Variants in ARID4B observed in about 807,000 individuals in gnomAD.
The protein encoded by ARID4B is AT-rich interactive domain-containing protein 4B.
Under a neutral mutation model 147.5 loss-of-function variants are expected in ARID4B, and 26 were observed. That is an observed-to-expected ratio of 0.18 (90% confidence interval 0.13 to 0.24). The LOEUF (loss-of-function observed/expected upper bound fraction) is 0.24. ARID4B is among the 10% of genes least tolerant of loss of function. The pLI is 1.00. For missense variants in ARID4B, 1,179 were observed against 1,511.5 expected (o/e 0.78, Z 3.65); for synonymous variants, 512 against 507.9 (o/e 1.01, Z -0.11).
intron 2 of ARID4B, among the ~76,000 whole-genome samples, chr1:235,317,829 A>G (rs1354573433): frequency 1.3e-5 from 2 of 152,314 alleles, no homozygotes; most frequent in South Asian, 2.1e-4. Flanking sequence ...TATTCAATAA[A>G]TATTGAATTA....
intron 5 of ARID4B, among the ~76,000 whole-genome samples, chr1:235,253,632 A>G (rs1217599335): frequency 6.6e-6 from 1 of 152,214 alleles, no homozygotes; most frequent in Non-Finnish European, 1.5e-5. Flanking sequence ...GAAAAATTTT[A>G]ATAAAAATAA....
At chr1:235,213,555 G>A (rs557350388) in intron 17 of ARID4B, among the ~76,000 whole-genome samples, 8 of 152,054 alleles carry the variant, frequency 5.3e-5, no homozygotes, top group African/African-American at 7.2e-5. Context: ...TGTAGACCTC[G>A]GTTTTCTAGA....
chr1:235,302,153 GAAAAAAAAAAA>G (rs749154889), intron 2 of ARID4B, among the ~76,000 whole-genome samples: 7 of 30,666 alleles, frequency 2.3e-4, no homozygotes, highest in East Asian at 9.2e-4. Flanking sequence ...TCAAAAAACG[GAAAAAAAAAAA>G]AAAAAAAAAA....
intron 11 of ARID4B, 74 bp downstream of exon 11, chr1:235,229,157 T>C: frequency 1.3e-6 from 2 of 1,524,528 alleles, no homozygotes; most frequent in East Asian, 2.3e-5. Context: ...AATGACTTAA[T>C]GCCAAATCCT....
intron 13 of ARID4B, among the ~76,000 whole-genome samples, chr1:235,222,678 C>CTTTT (rs35090143): frequency 1.8e-4 from 24 of 130,742 alleles, no homozygotes; most frequent in African/African-American, 4.6e-4. Flanking sequence ...GAAAAAAAAT[C>CTTTT]TTTTTTTTTT....
intron 8 of ARID4B, among the ~76,000 whole-genome samples, chr1:235,238,837 G>A (rs1668793720): frequency 6.7e-6 from 1 of 150,220 alleles, no homozygotes; most frequent in Non-Finnish European, 1.5e-5. Context: ...CCTGGGTAAC[G>A]GAGTAAGCCT....
intron 2 of ARID4B, among the ~76,000 whole-genome samples, chr1:235,269,753 T>C (rs16832518): frequency 0.04 from 6,098 of 152,148 alleles, 459 homozygotes; most frequent in African/African-American, 0.14. Flanking sequence ...TGACATCGAA[T>C]GTTAACAACT....
At chr1:235,240,283 A>G (rs1419942939) in intron 8 of ARID4B, 30 bp downstream of exon 8, 1 of 1,563,716 alleles carries the variant, frequency 6.4e-7, no homozygotes, top group Admixed American at 2.0e-5. Flanking sequence ...AAAGTTTGAA[A>G]TTAAACTCTT....
intron 2 of ARID4B, 31 bp from the exon 3 acceptor site, chr1:235,260,783 A>C: frequency 1.4e-6 from 2 of 1,443,732 alleles, no homozygotes; most frequent in Non-Finnish European, 1.9e-6. Flanking sequence ...AATTAGATTT[A>C]AACTCTCTAA....
chr1:235,203,947 A>G (rs550120799), intron 17 of ARID4B, among the ~76,000 whole-genome samples: 1 of 152,348 alleles, frequency 6.6e-6, no homozygotes, highest in East Asian at 1.9e-4. Flanking sequence ...AACAAGATAT[A>G]TGAAAATAAC....
chr1:235,194,249 A>C lies in ARID4B; in HGVS notation c.1927-38T>G, dbSNP rs774744901. ...AAAAAGTATGTCGTAATTTATCATAAGGCATTTATCAGAAACAATGTTAAT... is the reference window on the plus strand; with the variant it reads ...AAAAAGTATGTCGTAATTTATCATACGGCATTTATCAGAAACAATGTTAAT... On this transcript the variant is annotated intron_variant, in intron 18 of 23. Coordinates refer to ENST00000264183, the MANE Select transcript of ARID4B (RefSeq NM_016374.6). 24 of 1,453,268 alleles carry C rather than the reference A, an allele frequency of 1.7e-5. No individual in the cohort carries two copies. The East Asian group carries it at 3.6e-4, about 22-fold the overall frequency. The allele number at this position is 1,453,268 out of a possible 1,614,324, so 90.0% of individuals were successfully genotyped here. A position where few individuals can be genotyped will look rare whatever the true frequency, so the allele number is the denominator to read the frequency against.
At chr1:235,271,747 G>C (rs1445254116) in intron 2 of ARID4B, among the ~76,000 whole-genome samples, 1 of 152,030 alleles carries the variant, frequency 6.6e-6, no homozygotes, top group Non-Finnish European at 1.5e-5. Flanking sequence ...TAAGGAGTTT[G>C]AGACCAGCCT....
intron 17 of ARID4B, among the ~76,000 whole-genome samples, chr1:235,203,328 A>G (rs1382636285): frequency 6.6e-6 from 1 of 152,242 alleles, no homozygotes; most frequent in African/African-American, 2.4e-5. Flanking sequence ...TAATATGCCC[A>G]CATCAATTCA....
At chr1:235,287,481 G>C (rs531065191) in intron 2 of ARID4B, among the ~76,000 whole-genome samples, 1 of 152,112 alleles carries the variant, frequency 6.6e-6, no homozygotes, top group Non-Finnish European at 1.5e-5. Flanking sequence ...GAATGTACCA[G>C]AAACTACCAG....
At chr1:235,224,013 A>G (rs1484628802) in intron 12 of ARID4B, among the ~76,000 whole-genome samples, 1 of 152,212 alleles carries the variant, frequency 6.6e-6, no homozygotes, top group East Asian at 1.9e-4. Flanking sequence ...ATATTGTGTT[A>G]GGCGTTGTTA....
At chr1:235,185,927 T>C (rs974435292) in intron 19 of ARID4B, among the ~76,000 whole-genome samples, 2 of 152,118 alleles carry the variant, frequency 1.3e-5, no homozygotes, top group African/African-American at 4.8e-5. Flanking sequence ...GCAATTTCAA[T>C]GTAAAGATTT....
Position 235,168,315 on chromosome 1 carries a change from A to G in ARID4B, c.*210T>C. 2 of 485,312 alleles carry G rather than the reference A, an allele frequency of 4.1e-6. No homozygotes were observed. Among genetic ancestry groups the G allele is most frequent in the Non-Finnish European group, 7.1e-6 (2 of 282,438 alleles). 30.1% of individuals were successfully genotyped at this position (485,312 alleles called of 1,614,324 possible). A position where few individuals can be genotyped will look rare whatever the true frequency, so the allele number is the denominator to read the frequency against. On this transcript the variant is annotated 3_prime_UTR_variant, in exon 24 of 24. Coordinates refer to ENST00000264183, the MANE Select transcript of ARID4B (RefSeq NM_016374.6). ...TTACCAGACACACAATTCCCAGACAAGTTGGAAACAATTATTGCTTGAGGA... is the reference window on the plus strand; with the variant it reads ...TTACCAGACACACAATTCCCAGACAGGTTGGAAACAATTATTGCTTGAGGA...
intron 2 of ARID4B, among the ~76,000 whole-genome samples, chr1:235,266,890 G>A (rs187266379): frequency 6.6e-6 from 1 of 152,322 alleles, no homozygotes; most frequent in Admixed American, 6.5e-5. Flanking sequence ...ATTTTATTGA[G>A]GTAGTTTATT....
At chr1:235,208,912 A>G (rs1407144867) in intron 17 of ARID4B, among the ~76,000 whole-genome samples, 1 of 152,166 alleles carries the variant, frequency 6.6e-6, no homozygotes, top group Non-Finnish European at 1.5e-5. Context: ...TACTCCAAAC[A>G]TGCCTAGTGC....
Sources: allele counts gnomAD v4.1 joint callset (sites outside exome capture counted in the v4.1 genomes callset), GRCh38; gene constraint gnomAD v4.1.1; transcripts MANE v1.5; gene names NCBI Gene and HGNC (gene_info 2026-07-23, HGNC 2026-07-21).